The following LRRC49 variants were observed in gnomAD, a reference collection of about 807,000 sequenced individuals.
The protein encoded by LRRC49 is leucine-rich repeat-containing protein 49.
Under a neutral mutation model 83.3 loss-of-function variants are expected in LRRC49, and 50 were observed. That is an observed-to-expected ratio of 0.60 (90% CI 0.48 to 0.76). The LOEUF is 0.76. Among genes scored for constraint, LRRC49 ranks in the 30% least tolerant of loss-of-function variants. The pLI is 0.00. For synonymous variants in LRRC49, 286 were observed against 283.3 expected (o/e 1.01, Z -0.10); for missense variants, 704 against 809.1 (o/e 0.87, Z 1.58).
intron 8 of LRRC49, among the ~76,000 whole-genome samples, chr15:70,941,902 G>A (rs2035831484): frequency 6.6e-6 from 1 of 152,056 alleles, no homozygotes; most frequent in Non-Finnish European, 1.5e-5. Flanking sequence ...GACATTATGA[G>A]TCAGTTGGAG....
intron 1 of LRRC49, among the ~76,000 whole-genome samples, chr15:70,867,284 C>T (rs1327396704): frequency 1.3e-5 from 2 of 152,070 alleles, no homozygotes; most frequent in African/African-American, 4.8e-5. Flanking sequence ...AAGACAAGAG[C>T]ATAGAGAAGA....
chr15:70,893,461 G>A, intron 1 of LRRC49, 123 bp from the exon 2 acceptor site: 1 of 669,770 alleles, frequency 1.5e-6, no homozygotes, highest in South Asian at 1.7e-5. Context: ...TCATTTACCA[G>A]AAACAGAAAT....
At chr15:70,946,072 A>C (rs2141172123) in intron 8 of LRRC49, among the ~76,000 whole-genome samples, 1 of 152,192 alleles carries the variant, frequency 6.6e-6, no homozygotes, top group Admixed American at 6.5e-5. Context: ...TCACATACTT[A>C]TCTTTTTTGT....
intron 14 of LRRC49, among the ~76,000 whole-genome samples, chr15:71,028,911 AT>A (rs1489718196): frequency 1.3e-5 from 2 of 151,976 alleles, no homozygotes; most frequent in Non-Finnish European, 2.9e-5. Flanking sequence ...GGATTCACTG[AT>A]TTTTTTGAAG....
chr15:70,863,386 G>A (rs1468632464), intron 1 of LRRC49, among the ~76,000 whole-genome samples: 1 of 152,200 alleles, frequency 6.6e-6, no homozygotes, highest in Non-Finnish European at 1.5e-5. Context: ...CTACATGCCA[G>A]GCCCATGCCA....
At chr15:71,003,784 G>A (rs1336181331) in intron 11 of LRRC49, among the ~76,000 whole-genome samples, 1 of 152,194 alleles carries the variant, frequency 6.6e-6, no homozygotes, top group Non-Finnish European at 1.5e-5. Flanking sequence ...GAAGTCATCA[G>A]TTACCAATGG....
chr15:71,046,904 T>C (rs2039869729), intron 15 of LRRC49, among the ~76,000 whole-genome samples: 1 of 152,224 alleles, frequency 6.6e-6, no homozygotes, highest in Admixed American at 6.5e-5. Context: ...ATCTTCTGCA[T>C]ATGGCTAGCC....
chr15:70,891,567 CTGTGTGTGTGTGTGTG>C (rs3220843), upstream of LRRC49, among the ~76,000 whole-genome samples: 11,507 of 137,100 alleles, frequency 0.084, 502 homozygotes, highest in East Asian at 0.15. Context: ...GGACAAGACT[CTGTGTGTGTGTGTGTG>C]TGTGTGTGTG....
At chr15:71,042,622 C>G (rs2039730621) in intron 15 of LRRC49, among the ~76,000 whole-genome samples, 1 of 152,178 alleles carries the variant, frequency 6.6e-6, no homozygotes, top group African/African-American at 2.4e-5. Context: ...ACAAAGTGCT[C>G]AGTCTCTCTT....
chr15:70,982,048 A>G (rs2037421094), intron 10 of LRRC49, among the ~76,000 whole-genome samples: 2 of 151,918 alleles, frequency 1.3e-5, no homozygotes, highest in African/African-American at 4.8e-5. Flanking sequence ...TCATTCTCTT[A>G]GTCAACCTGG....
At chr15:70,990,821 T>C (rs1319504819) in intron 11 of LRRC49, among the ~76,000 whole-genome samples, 4 of 152,200 alleles carry the variant, frequency 2.6e-5, no homozygotes, top group Non-Finnish European at 2.9e-5. Context: ...TTTTCTGCCC[T>C]AACACCAATC....
At chr15:70,900,500 A>G (rs1366312472) in intron 3 of LRRC49, 2 of 456,722 alleles carry the variant, frequency 4.4e-6, no homozygotes, top group Non-Finnish European at 8.8e-6. Flanking sequence ...GGTCCTTATC[A>G]GCATTTGGAG....
Position 70,868,352 on chromosome 15 carries a change from C to T in LRRC49, c.-298-4556C>T, listed in dbSNP as rs548227066. On this transcript the variant is annotated intron_variant, in intron 1 of 16. Transcript: ENST00000544974. Reference sequence around the variant, plus strand: ...GATACGTACCCAGTAGGGAGCCATCCAATTATTACAACTCAGGCCCTCTAA... The same window carrying T: ...GATACGTACCCAGTAGGGAGCCATCTAATTATTACAACTCAGGCCCTCTAA... Among the ~76,000 whole-genome samples, 24 of 152,284 alleles carry T rather than the reference C, an allele frequency of 1.6e-4. 1 individual carries two copies. The South Asian group carries it at 4.8e-3, about 30-fold the overall frequency.
chr15:70,869,785 C>T (rs1267381372), intron 1 of LRRC49, among the ~76,000 whole-genome samples: 1 of 152,052 alleles, frequency 6.6e-6, no homozygotes, highest in East Asian at 1.9e-4. Context: ...CCCTTTTTGC[C>T]TTGAGCTAGT....
intron 11 of LRRC49, among the ~76,000 whole-genome samples, chr15:70,987,286 G>A (rs1282791157): frequency 2.0e-5 from 3 of 152,168 alleles, no homozygotes; most frequent in Admixed American, 1.3e-4. Context: ...TGGTTGGTAA[G>A]CTATTGATTA....
rs1374855019 is a variant in LRRC49 at position 70,859,123 on chromosome 15, C to A, written c.-299+5654C>A. 3 of 1,367,950 alleles carry A rather than the reference C, an allele frequency of 2.2e-6. No homozygotes were observed. In the Admixed American group the frequency reaches 5.0e-5, roughly 23 times the overall value. The allele number at this position is 1,367,950 out of a possible 1,614,324, so 84.7% of individuals were successfully genotyped here. On this transcript the variant is annotated intron_variant, in intron 1 of 16. Coordinates refer to the LRRC49 transcript ENST00000544974. Reference sequence around the variant, plus strand: ...AGAAGATGGCTCGGAACAACAAGAACAACATGTTCCAGAGCTATATCAACA... The same window carrying A: ...AGAAGATGGCTCGGAACAACAAGAAAAACATGTTCCAGAGCTATATCAACA...
chr15:70,882,076 G>A (rs773603470), intron 2 of LRRC49: 1 of 171,648 alleles, frequency 5.8e-6, no homozygotes, highest in Non-Finnish European at 1.2e-5. Context: ...AAATTATTTA[G>A]AAGAGTAGGG....
chr15:70,994,915 G>A (rs565670653), intron 11 of LRRC49, among the ~76,000 whole-genome samples: 26 of 152,286 alleles, frequency 1.7e-4, no homozygotes, highest in East Asian at 7.7e-4. Context: ...AACAGGTCTC[G>A]TTTGATATCC....
At chr15:70,895,175 A>C (rs920866561) in intron 2 of LRRC49, among the ~76,000 whole-genome samples, 3 of 152,174 alleles carry the variant, frequency 2.0e-5, no homozygotes, top group African/African-American at 7.2e-5. Flanking sequence ...TTCAAGATAC[A>C]TATTTGGGGT....
Sources: allele counts gnomAD v4.1 joint callset (sites outside exome capture counted in the v4.1 genomes callset), GRCh38; gene constraint gnomAD v4.1.1; transcripts MANE v1.5; gene names NCBI Gene and HGNC (gene_info 2026-07-23, HGNC 2026-07-21).